TMC1: variants seen among roughly 807,000 people sequenced by gnomAD.
TMC1 encodes the protein transmembrane channel like 1.
TMC1 carries 84 observed loss-of-function variants against 105.8 expected under a neutral mutation model. That is an observed-to-expected ratio of 0.79 (90% CI 0.67 to 0.95). TMC1 has a LOEUF of 0.95. TMC1 is among the 40% of genes least tolerant of loss of function. TMC1 has a pLI of 0.00. For missense variants in TMC1, 817 were observed against 914.1 expected (o/e 0.89, Z 1.37); for synonymous variants, 315 against 311.5 (o/e 1.01, Z -0.12).
At chr9:72,600,132 T>C (rs1824783196) in intron 2 of TMC1, among the ~76,000 whole-genome samples, 1 of 152,124 alleles carries the variant, frequency 6.6e-6, no homozygotes, top group African/African-American at 2.4e-5. Context: ...AGCTGAGTGG[T>C]GGCATGATTA....
At chr9:72,719,432 A>C (rs576388779) in intron 8 of TMC1, among the ~76,000 whole-genome samples, 5 of 152,278 alleles carry the variant, frequency 3.3e-5, no homozygotes, top group Non-Finnish European at 5.9e-5. Context: ...GTAAGGTCAA[A>C]TCTTTCTCTT....
intron 12 of TMC1, among the ~76,000 whole-genome samples, chr9:72,765,725 G>A (rs1345777488): frequency 6.6e-5 from 10 of 152,108 alleles, no homozygotes; most frequent in Non-Finnish European, 1.2e-4. Context: ...TATAGGCAGC[G>A]GAGCGCACCT....
intron 8 of TMC1, among the ~76,000 whole-genome samples, chr9:72,712,549 C>T (rs188455625): frequency 6.7e-4 from 102 of 152,268 alleles, no homozygotes; most frequent in African/African-American, 2.4e-3. Flanking sequence ...GGAGTTCACT[C>T]ATGATTTGGC....
intron 23 of TMC1, among the ~76,000 whole-genome samples, chr9:72,831,496 G>C (rs1469821911): frequency 6.6e-6 from 1 of 151,964 alleles, no homozygotes; most frequent in East Asian, 1.9e-4. Context: ...GTGCAGGTTA[G>C]TTACATATGT....
intron 17 of TMC1, among the ~76,000 whole-genome samples, chr9:72,794,805 C>T (rs995016889): frequency 6.6e-6 from 1 of 152,104 alleles, no homozygotes; most frequent in African/African-American, 2.4e-5. Context: ...AAATAGAATT[C>T]AGACTGTGGA....
At chr9:72,672,943 A>G (rs899375257) in intron 5 of TMC1, among the ~76,000 whole-genome samples, 1 of 152,100 alleles carries the variant, frequency 6.6e-6, no homozygotes, top group Non-Finnish European at 1.5e-5. Flanking sequence ...CAGAATATTT[A>G]GCATGATATG....
rs527419239 is a variant in TMC1 at position 72,803,998 on chromosome 9, A to T, written c.1567-1384A>T. Among the ~76,000 whole-genome samples the T allele has an allele frequency of 5.3e-5, 8 of 152,342 alleles. No homozygotes were observed. The South Asian group carries it at 1.2e-3, about 24-fold the overall frequency. On this transcript the variant is annotated intron_variant, in intron 17 of 23. Coordinates refer to ENST00000297784, the MANE Select transcript of TMC1 (RefSeq NM_138691.3). ...GAATCAATCCAAATGCCTATCAATG[A>T]TAGACTGGATAAAGAAAATGTGCTA...
At chr9:72,776,082 A>G (rs765194283) in intron 13 of TMC1, among the ~76,000 whole-genome samples, 18 of 152,206 alleles carry the variant, frequency 1.2e-4, no homozygotes, top group Non-Finnish European at 2.6e-4. Flanking sequence ...AACTCAGCAC[A>G]GGGCTCCCTG....
rs541978824 is a variant in TMC1, at chr9:72,648,970, A to G, written c.16+306A>G. Among the ~76,000 whole-genome samples the G allele has an allele frequency of 4.6e-5, 7 of 152,352 alleles. No individual in the cohort carries two copies. In the East Asian group the frequency reaches 1.4e-3, roughly 29 times the overall value. ...AAATGCACTGAGATTTCAGCATAGC[A>G]ACTCAAATGCGGGCTTTATTCCACA... On this transcript the variant is annotated intron_variant, in intron 5 of 23. Coordinates refer to ENST00000297784, the MANE Select transcript of TMC1 (RefSeq NM_138691.3).
chr9:72,564,218 C>A (rs1824108346), intron 1 of TMC1, among the ~76,000 whole-genome samples: 1 of 152,062 alleles, frequency 6.6e-6, no homozygotes, highest in African/African-American at 2.4e-5. Context: ...ATTATGGTAA[C>A]CTAGGGAAAA....
chr9:72,729,237 G>A (rs949882673), intron 8 of TMC1, among the ~76,000 whole-genome samples: 1 of 151,986 alleles, frequency 6.6e-6, no homozygotes, highest in Non-Finnish European at 1.5e-5. Flanking sequence ...TTGTACATAG[G>A]TCACTCTCAT....
intron 8 of TMC1, among the ~76,000 whole-genome samples, chr9:72,705,529 A>G (rs1357369762): frequency 1.3e-5 from 2 of 152,246 alleles, no homozygotes; most frequent in Non-Finnish European, 2.9e-5. Context: ...CTGGGCCACA[A>G]TGCCGGCTTC....
chr9:72,701,571 C>T (rs1826647134), intron 8 of TMC1, among the ~76,000 whole-genome samples: 1 of 152,076 alleles, frequency 6.6e-6, no homozygotes, highest in Non-Finnish European at 1.5e-5. Context: ...CTTCACAAGC[C>T]TATTTAACTA....
intron 11 of TMC1, among the ~76,000 whole-genome samples, chr9:72,753,456 G>T (rs1827617870): frequency 6.6e-6 from 1 of 152,108 alleles, no homozygotes; most frequent in Non-Finnish European, 1.5e-5. Context: ...TGGAGAAAAT[G>T]AAAGGCTGTT....
intron 8 of TMC1, among the ~76,000 whole-genome samples, chr9:72,726,931 T>G (rs1827135254): frequency 6.6e-6 from 1 of 152,200 alleles, no homozygotes; most frequent in Admixed American, 6.5e-5. Context: ...ACTTTGTGAA[T>G]TTTTCTGTTT....
chr9:72,729,749 TGAAA>T (rs1827178685), intron 8 of TMC1, among the ~76,000 whole-genome samples: 1 of 152,182 alleles, frequency 6.6e-6, no homozygotes, highest in Non-Finnish European at 1.5e-5. Flanking sequence ...ACTTCTCTAA[TGAAA>T]GAGGGTTCAC....
intron 18 of TMC1, among the ~76,000 whole-genome samples, chr9:72,806,915 C>A (rs971484116): frequency 3.0e-4 from 46 of 152,210 alleles, no homozygotes; most frequent in Non-Finnish European, 5.9e-5. Flanking sequence ...AGGCAGGCGG[C>A]TGGGAGGTGG....
At position 72,836,277 on chromosome 9, in the gene TMC1, T is replaced by G; in HGVS notation, c.*304T>G. On this transcript the variant is annotated 3_prime_UTR_variant, in exon 24 of 24. Transcript: ENST00000297784. The stretch of plus-strand genomic sequence containing the variant: ...AAGTGAGTGTAATCCAGCAATACAG[T>G]TTACTGGTTTAGTTGGTGGGTTAAT... 1 of 384,246 alleles carries G rather than the reference T, an allele frequency of 2.6e-6. No individual in the cohort carries two copies. 23.8% of individuals were successfully genotyped at this position (384,246 alleles called of 1,614,324 possible).
At chr9:72,812,344 T>A (rs1320904748) in intron 18 of TMC1, among the ~76,000 whole-genome samples, 1 of 152,146 alleles carries the variant, frequency 6.6e-6, no homozygotes, top group African/African-American at 2.4e-5. Flanking sequence ...ATCATCAGCA[T>A]CCCATAAGGG....
Sources: allele counts gnomAD v4.1 joint callset (sites outside exome capture counted in the v4.1 genomes callset), GRCh38; gene constraint gnomAD v4.1.1; transcripts MANE v1.5; gene names NCBI Gene and HGNC (gene_info 2026-07-23, HGNC 2026-07-21).